PDE4D: variants seen among roughly 807,000 people sequenced by gnomAD.
The protein encoded by PDE4D is 3',5'-cyclic-AMP phosphodiesterase 4D.
In PDE4D, 24 loss-of-function variants were observed where a neutral mutation model predicts 87.4. The observed-to-expected ratio is 0.27, with a 90% CI of 0.20 to 0.39. The LOEUF (loss-of-function observed/expected upper bound fraction) is 0.39. Ranked by LOEUF, PDE4D falls within the 10% of genes least tolerant of loss-of-function variation. The pLI, the probability that PDE4D is intolerant of heterozygous loss-of-function variation, is 1.00. For synonymous variants in PDE4D, 384 were observed against 383.2 expected (o/e 1.00, Z -0.02); for missense variants, 714 against 1,041.0 (o/e 0.69, Z 4.32).
At chr5:60,490,183 A>C (rs1228052228), upstream of PDE4D, 1 of 152,118 alleles carries the variant, frequency 6.6e-6, no homozygotes, top group African/African-American at 2.4e-5. Flanking sequence ...AGTGATGTTC[A>C]CTCCAGAACA....
chr5:59,328,326 G>T (rs1581982781), intron 1 of PDE4D, among the ~76,000 whole-genome samples: 1 of 152,230 alleles, frequency 6.6e-6, no homozygotes, highest in African/African-American at 2.4e-5. Flanking sequence ...TTGTTGTGAG[G>T]ATTAAAGCAC....
intron 1 of PDE4D, among the ~76,000 whole-genome samples, chr5:59,821,056 AC>A (rs1280525355): frequency 6.6e-6 from 1 of 152,030 alleles, no homozygotes; most frequent in African/African-American, 2.4e-5. Flanking sequence ...ACATGGTGAA[AC>A]CCCATCTCCA....
chr5:59,106,717 G>A (rs376260958), intron 5 of PDE4D, among the ~76,000 whole-genome samples: 13 of 152,290 alleles, frequency 8.5e-5, no homozygotes, highest in Admixed American at 1.3e-4. Flanking sequence ...CTGAGATCGC[G>A]CCATTGCACT....
intron 3 of PDE4D, among the ~76,000 whole-genome samples, chr5:59,914,904 T>C (rs1444415207): frequency 3.3e-5 from 5 of 150,748 alleles, no homozygotes; most frequent in Non-Finnish European, 7.4e-5. Context: ...TGTGTGTGTG[T>C]GTGTGTGTAT....
At chr5:59,748,984 T>C (rs1433865694) in intron 1 of PDE4D, among the ~76,000 whole-genome samples, 1 of 152,164 alleles carries the variant, frequency 6.6e-6, no homozygotes, top group African/African-American at 2.4e-5. Context: ...ACAACTTGAG[T>C]GCAATTTCTT....
intron 6 of PDE4D, among the ~76,000 whole-genome samples, chr5:59,028,266 CA>C (rs898402521): frequency 3.3e-5 from 5 of 151,402 alleles, no homozygotes; most frequent in African/African-American, 4.9e-5. Context: ...AAAACACCAC[CA>C]AAAAAAGTGA....
chr5:60,102,514 T>C (rs1449425531), intron 2 of PDE4D, among the ~76,000 whole-genome samples: 6 of 152,160 alleles, frequency 3.9e-5, no homozygotes, highest in African/African-American at 1.2e-4. Flanking sequence ...AACAGTGCTC[T>C]AAATAAATTC....
At chr5:59,721,035 T>C (rs1006049166) in intron 1 of PDE4D, among the ~76,000 whole-genome samples, 13 of 152,270 alleles carry the variant, frequency 8.5e-5, no homozygotes, top group South Asian at 2.1e-4. Context: ...GAAACTGTTA[T>C]AGGAGCAAGG....
At chr5:59,365,981 T>C (rs1782991476) in intron 1 of PDE4D, among the ~76,000 whole-genome samples, 1 of 152,178 alleles carries the variant, frequency 6.6e-6, no homozygotes, top group South Asian at 2.1e-4. Flanking sequence ...TGATAGAGCA[T>C]ATAAGATCTG....
chr5:60,512,511 G>A (rs1227873172), intron 1 of PDE4D, among the ~76,000 whole-genome samples: 1 of 151,910 alleles, frequency 6.6e-6, no homozygotes, highest in African/African-American at 2.4e-5. Context: ...AAAGAAGTAT[G>A]GGTTTGTGGA....
chr5:59,586,630 C>T, intron 1 of PDE4D: 5 of 1,209,960 alleles, frequency 4.1e-6, no homozygotes, highest in Non-Finnish European at 5.1e-6. Context: ...TTAGGTTCCA[C>T]TAGTTAGTCA....
intron 6 of PDE4D, chr5:58,999,549 A>ATATG: frequency 8.0e-7 from 1 of 1,250,524 alleles, no homozygotes; most frequent in Non-Finnish European, 1.0e-6. Flanking sequence ...TTGATTGATT[A>ATATG]TATGTATATA....
intron 6 of PDE4D, among the ~76,000 whole-genome samples, chr5:59,029,525 T>C (rs991052107): frequency 7.0e-6 from 1 of 141,958 alleles, no homozygotes; most frequent in Non-Finnish European, 1.6e-5. Flanking sequence ...AAGACAGAAA[T>C]AAATGAAAAG....
intron 1 of PDE4D, among the ~76,000 whole-genome samples, chr5:59,272,750 C>T (rs569394176): frequency 6.6e-6 from 1 of 151,880 alleles, no homozygotes; most frequent in African/African-American, 2.4e-5. Flanking sequence ...AACAGGCTGA[C>T]CTTTAATAAG....
intron 1 of PDE4D, among the ~76,000 whole-genome samples, chr5:59,340,286 G>C (rs1327943273): frequency 6.6e-6 from 1 of 152,118 alleles, no homozygotes; most frequent in Non-Finnish European, 1.5e-5. Context: ...CTGTTCAGTA[G>C]AAACATAATG....
At chr5:59,185,355 T>G in intron 3 of PDE4D, 93 bp from the exon 4 acceptor site, 1 of 844,266 alleles carries the variant, frequency 1.2e-6, no homozygotes, top group Non-Finnish European at 1.9e-6. Flanking sequence ...TGATATTGCT[T>G]GCAACTTAGT....
intron 2 of PDE4D, among the ~76,000 whole-genome samples, chr5:60,122,999 G>A (rs773438098): frequency 5.3e-5 from 8 of 152,164 alleles, no homozygotes; most frequent in Non-Finnish European, 1.0e-4. Context: ...GCAAAATGCT[G>A]TGAGTCTCTT....
intron 6 of PDE4D, among the ~76,000 whole-genome samples, chr5:59,000,781 C>G (rs1164783270): frequency 6.6e-6 from 1 of 152,066 alleles, no homozygotes; most frequent in Non-Finnish European, 1.5e-5. Flanking sequence ...CTCTGCCTCC[C>G]GGGTTCAAGC....
At chr5:59,394,874 G>T (rs558795712) in intron 1 of PDE4D, among the ~76,000 whole-genome samples, 1 of 152,052 alleles carries the variant, frequency 6.6e-6, no homozygotes, top group Non-Finnish European at 1.5e-5. Flanking sequence ...GTGGGTGCGC[G>T]CACCGTGCAC....
Sources: gnomAD v4.1 joint callset for allele counts (sites outside exome capture counted in the v4.1 genomes callset) on GRCh38, gnomAD v4.1.1 for gene constraint, MANE v1.5 for transcripts, NCBI Gene and HGNC (gene_info 2026-07-23, HGNC 2026-07-21) for gene names.